The following RNF152 variants were observed in gnomAD, a reference collection of about 807,000 sequenced individuals.
RNF152 encodes the protein ring finger protein 152.
A neutral mutation model predicts 12.7 loss-of-function variants in RNF152; 11 were observed. The ratio of observed to expected loss-of-function variants is 0.86; its 90% CI spans 0.54 to 1.43. The LOEUF (loss-of-function observed/expected upper bound fraction) is 1.43. Ranked by LOEUF, RNF152 falls within the 40% of genes most tolerant of loss-of-function variation. The pLI is 0.00. For missense variants in RNF152, 255 were observed against 274.8 expected, an observed-to-expected ratio of 0.93 and a Z score of 0.51; for synonymous variants, 113 against 120.3, an observed-to-expected ratio of 0.94 and a Z score of 0.40.
At chr18:61,877,233 T>C (rs1912253219) in intron 1 of RNF152, among the ~76,000 whole-genome samples, 1 of 152,190 alleles carries the variant, frequency 6.6e-6, no homozygotes, top group African/African-American at 2.4e-5. Context: ...GTAGACACAA[T>C]GACAAATACA....
intron 1 of RNF152, among the ~76,000 whole-genome samples, chr18:61,844,060 A>AAAGACAGAAAGAAAG (rs1910581673): frequency 6.9e-6 from 1 of 145,060 alleles, no homozygotes; most frequent in Admixed American, 7.1e-5. Context: ...AAAGAAAGAG[A>AAAGACAGAAAGAAAG]GAAAGACAGA....
intron 1 of RNF152, among the ~76,000 whole-genome samples, chr18:61,865,630 G>A (rs894504018): frequency 1.3e-5 from 2 of 152,030 alleles, no homozygotes; most frequent in Non-Finnish European, 1.5e-5. Context: ...CTTCCATCCC[G>A]TTGTGGAATT....
intron 1 of RNF152, among the ~76,000 whole-genome samples, chr18:61,863,293 G>C (rs1350452002): frequency 1.3e-5 from 2 of 152,020 alleles, no homozygotes; most frequent in African/African-American, 4.8e-5. Flanking sequence ...AAATTAGCCA[G>C]GCGTGGTGAC....
At position 61,865,902 on chromosome 18, in the gene RNF152, A is replaced by T. The variant is rs551675236; in HGVS notation, c.-136+26893T>A. Among the ~76,000 whole-genome samples the T allele has an allele frequency of 2.0e-4, 31 of 152,322 alleles. No individual in the cohort carries two copies. In the South Asian group the frequency reaches 5.8e-3, roughly 28 times the overall value. On this transcript the variant is annotated intron_variant, in intron 1 of 1. Coordinates refer to ENST00000312828, the MANE Select transcript of RNF152 (RefSeq NM_173557.3). The stretch of plus-strand genomic sequence containing the variant: ...AAGGCTAGTCAGCTGAGTGTCAATT[A>T]CATATCTCCCTGTTAGAACAATCAG...
At chr18:61,849,021 G>A (rs529926906) in intron 1 of RNF152, among the ~76,000 whole-genome samples, 1 of 152,214 alleles carries the variant, frequency 6.6e-6, no homozygotes, top group Non-Finnish European at 1.5e-5. Flanking sequence ...AGCCTGGAGA[G>A]GGCCTTCGAG....
rs35125130 is a variant in RNF152, at chr18:61,839,054, C to CA, written c.-135-22457dup. The stretch of plus-strand genomic sequence containing the variant: ...TGTTCATCAGATCCCACTCTGTGGC[C>CA]AAAAAAAAAAAAAAAAAGTACTAAT... On this transcript the variant is annotated intron_variant, in intron 1 of 1. Coordinates refer to ENST00000312828, the MANE Select transcript of RNF152 (RefSeq NM_173557.3). Among the ~76,000 whole-genome samples the CA allele has an allele frequency of 8.2e-3, 1,053 of 127,764 alleles. 26 individuals carry two copies. Among genetic ancestry groups the CA allele is most frequent in the Admixed American group, 0.054 (698 of 13,022 alleles). 83.8% of individuals were successfully genotyped at this position (127,764 alleles called of 152,430 possible).
rs186142320 is a variant in RNF152 at position 61,889,464 on chromosome 18, C to T, written c.-136+3331G>A. 4.6e-5 allele frequency among the ~76,000 whole-genome samples: 7 copies of T among 152,242 alleles called. No individual in the cohort carries two copies. The East Asian group carries it at 1.4e-3, about 29-fold the overall frequency. On this transcript the variant is annotated intron_variant, in intron 1 of 1. Coordinates refer to ENST00000312828, the MANE Select transcript of RNF152 (RefSeq NM_173557.3). ...TTCCCAAAGCAAAATCTCTGCAAGC[C>T]ACCAACTGCTGAATCCAGAGCACCT...
At chr18:61,875,876 C>T (rs994147325) in intron 1 of RNF152, among the ~76,000 whole-genome samples, 6 of 152,062 alleles carry the variant, frequency 3.9e-5, no homozygotes, top group Admixed American at 6.6e-5. Flanking sequence ...TCCCCACCTT[C>T]GTCCCTTCCT....
chr18:61,889,167 G>A (rs1204501685), intron 1 of RNF152, among the ~76,000 whole-genome samples: 1 of 152,104 alleles, frequency 6.6e-6, no homozygotes, highest in Non-Finnish European at 1.5e-5. Context: ...CTTATCACTT[G>A]AATGAAGCCG....
At chr18:61,855,718 C>T (rs1445673128) in intron 1 of RNF152, among the ~76,000 whole-genome samples, 2 of 152,202 alleles carry the variant, frequency 1.3e-5, no homozygotes, top group African/African-American at 4.8e-5. Flanking sequence ...CCACGTCTGG[C>T]TCGCCCTTGG....
At chr18:61,880,877 C>G (rs1265640219) in intron 1 of RNF152, among the ~76,000 whole-genome samples, 2 of 151,818 alleles carry the variant, frequency 1.3e-5, no homozygotes, top group Non-Finnish European at 2.9e-5. Flanking sequence ...ACTCACTCCT[C>G]CTCCCTCAAA....
intron 1 of RNF152, among the ~76,000 whole-genome samples, chr18:61,817,461 A>G (rs1909166208): frequency 6.6e-6 from 1 of 152,216 alleles, no homozygotes; most frequent in Non-Finnish European, 1.5e-5. Flanking sequence ...AGATACGGTC[A>G]GCCCTTTCTA....
rs536137661 is a variant in RNF152, at chr18:61,850,922, G to A, written c.-135-34324C>T. Among the ~76,000 whole-genome samples the A allele has an allele frequency of 2.0e-5, 3 of 151,986 alleles. No homozygotes were observed. In the East Asian group the frequency reaches 5.8e-4, roughly 30 times the overall value. The stretch of plus-strand genomic sequence containing the variant: ...CCCTGAATGGCTAGTGCAGCTCTGG[G>A]CACACGGAAATGCCCAGTCATCATG... On this transcript the variant is annotated intron_variant, in intron 1 of 1. Transcript: ENST00000312828.
In RNF152 at chr18:61,812,539, T is replaced by C. The variant is rs773622407; in HGVS notation, c.*3313A>G. The C allele has an allele frequency of 8.5e-5, 13 of 152,216 alleles. No homozygotes were observed. Among genetic ancestry groups the C allele is most frequent in the Non-Finnish European group, 1.8e-4 (12 of 68,026 alleles). 9.4% of individuals were successfully genotyped at this position (152,216 alleles called of 1,614,324 possible). On this transcript the variant is annotated 3_prime_UTR_variant, in exon 2 of 2. Coordinates refer to ENST00000312828, the MANE Select transcript of RNF152 (RefSeq NM_173557.3). The stretch of plus-strand genomic sequence containing the variant: ...TCACAACTTATGCCCCAAGTCATTA[T>C]ACAAAATTTTTCCAAAGACAATGCT...
At chr18:61,818,189 G>A (rs1408512221) in intron 1 of RNF152, among the ~76,000 whole-genome samples, 1 of 152,160 alleles carries the variant, frequency 6.6e-6, no homozygotes, top group East Asian at 1.9e-4. Flanking sequence ...TTGGGAGGCC[G>A]AGGAGGGGGA....
intron 1 of RNF152, among the ~76,000 whole-genome samples, chr18:61,892,137 A>G (rs1912987806): frequency 1.3e-5 from 2 of 152,204 alleles, no homozygotes; most frequent in Admixed American, 6.5e-5. Flanking sequence ...GAAAAGCCCC[A>G]ATAACCTAAA....
intron 1 of RNF152, among the ~76,000 whole-genome samples, chr18:61,837,411 G>A (rs139981918): frequency 1.8e-3 from 276 of 152,246 alleles, no homozygotes; most frequent in African/African-American, 6.4e-3. Context: ...ATAATGGTGC[G>A]ATTATGTAAG....
chr18:61,869,826 C>A (rs1286235849), intron 1 of RNF152, among the ~76,000 whole-genome samples: 2 of 152,212 alleles, frequency 1.3e-5, no homozygotes, highest in Non-Finnish European at 2.9e-5. Flanking sequence ...TACCCACCAA[C>A]TTCCTCAGCT....
In RNF152 at chr18:61,815,995, T is replaced by C. The variant is rs753200247; in HGVS notation, c.469A>G (p.Arg157Gly). The change falls in exon 2 of 2, where the codon AGG becomes GGG. Residue 157 changes from arginine (R) to glycine (G), a missense_variant. Physicochemically the swap from Arg to Gly is moderately radical, Grantham distance 125. Transcript: ENST00000312828. The stretch of plus-strand genomic sequence containing the variant: ...GTGGAGCTTTTCACCACGCCCCGCC[T>C]GTCCTGCTCCTCCTCCACCGCCTCC... ...PQEAVEEEQDRRGVVKSSTWS... is the reference protein window; with the variant it reads ...PQEAVEEEQDGRGVVKSSTWS... 6.2e-7 allele frequency: 1 copy of C among 1,613,956 alleles called. No homozygotes were observed. Among genetic ancestry groups the C allele is most frequent in the Non-Finnish European group, 8.5e-7 (1 of 1,179,996 alleles).
Sources: allele counts gnomAD v4.1 joint callset (sites outside exome capture counted in the v4.1 genomes callset), GRCh38; gene constraint gnomAD v4.1.1; transcripts MANE v1.5; gene names NCBI Gene and HGNC (gene_info 2026-07-23, HGNC 2026-07-21).